PCDHGA9: variants seen among roughly 807,000 people sequenced by gnomAD.
The protein encoded by PCDHGA9 is protocadherin gamma subfamily A, 9, also known as protocadherin gamma-A9.
Under a neutral mutation model 62.5 loss-of-function variants are expected in PCDHGA9, and 37 were observed. The observed-to-expected ratio is 0.59, with a 90% CI of 0.46 to 0.78. The LOEUF is 0.78. Among genes scored for constraint, PCDHGA9 ranks in the 30% least tolerant of loss-of-function variants. PCDHGA9 has a pLI of 0.00. For synonymous variants in PCDHGA9, 459 were observed against 484.6 expected, an observed-to-expected ratio of 0.95 and a Z score of 0.69; for missense variants, 1,138 against 1,166.2, an observed-to-expected ratio of 0.98 and a Z score of 0.35.
chr5:141,484,994 G>A (rs1257915410), intron 1 of PCDHGA9: 4 of 610,330 alleles, frequency 6.6e-6, no homozygotes, highest in Non-Finnish European at 1.2e-5. Context: ...GGTGGTGAAA[G>A]GCAGACAAAT....
At chr5:141,423,050 G>T (rs1434973750) in intron 1 of PCDHGA9, 2 of 1,614,068 alleles carry the variant, frequency 1.2e-6, no homozygotes, top group Admixed American at 1.7e-5. Context: ...CTGTCCTATC[G>T]CCTGCTTAAG....
intron 2 of PCDHGA9, among the ~76,000 whole-genome samples, chr5:141,495,936 T>C (rs1329369782): frequency 6.6e-6 from 1 of 152,206 alleles, no homozygotes; most frequent in Non-Finnish European, 1.5e-5. Flanking sequence ...GTCTCTGGTC[T>C]CTGTGCCTGT....
intron 1 of PCDHGA9, among the ~76,000 whole-genome samples, chr5:141,472,924 T>G (rs1247655318): frequency 2.0e-5 from 3 of 147,960 alleles, no homozygotes; most frequent in African/African-American, 7.5e-5. Flanking sequence ...AGGAGGAGGT[T>G]GTGGTGAGCC....
At position 141,487,780 on chromosome 5, in the gene PCDHGA9, C is replaced by T. The variant is rs1423149; in HGVS notation, c.2425-7027C>T. On this transcript the variant is annotated intron_variant, in intron 1 of 3. Transcript: ENST00000573521. The surrounding 1 kb of genome is among the most constrained non-coding windows in gnomAD (Gnocchi z 5.0). ...TAGACGCTGTGCTTTGTAACTGTTT[C>T]GTGAATTAACCAGAGTTGTCACAGT... 0.06 allele frequency: 91,434 copies of T among 1,526,176 alleles called. 5,728 individuals carry two copies. Among genetic ancestry groups the T allele is most frequent in the African/African-American group, 0.33 (23,789 of 72,466 alleles). The allele number at this position is 1,526,176 out of a possible 1,614,324, so 94.5% of individuals were successfully genotyped here. A position where few individuals can be genotyped will look rare whatever the true frequency, so the allele number is the denominator to read the frequency against.
At chr5:141,505,085 C>A (rs954289918) in intron 2 of PCDHGA9, among the ~76,000 whole-genome samples, 1 of 152,162 alleles carries the variant, frequency 6.6e-6, no homozygotes, top group Non-Finnish European at 1.5e-5. Context: ...TCGCTTGAAC[C>A]CAGGAGGTGG....
At chr5:141,474,758 C>T (rs2099354200) in intron 1 of PCDHGA9, among the ~76,000 whole-genome samples, 1 of 152,210 alleles carries the variant, frequency 6.6e-6, no homozygotes, top group Non-Finnish European at 1.5e-5. Flanking sequence ...GACAAATATA[C>T]AGAAATAGTA....
Position 141,404,594 on chromosome 5 carries a change from T to C in PCDHGA9, c.1642T>C (p.Leu548=), listed in dbSNP as rs778412256. The part of the protein sequence containing the change: ...GSPPLSSNVS[L]RLFVLDQNDN... ...CCCACCACTTAGCAGCAATGTGTCA[T>C]TGAGACTGTTTGTTTTGGACCAGAA... The change falls in exon 1 of 4, where the codon TTG becomes CTG. Residue 548 remains leucine, a synonymous_variant. Transcript: ENST00000573521. The C allele has an allele frequency of 3.7e-6, 6 of 1,614,050 alleles. No homozygotes were observed. The highest frequency in any genetic ancestry group is 1.1e-5 in the South Asian group (1 of 91,082).
intron 1 of PCDHGA9, among the ~76,000 whole-genome samples, chr5:141,443,521 T>A (rs2098392520): frequency 6.6e-6 from 1 of 152,156 alleles, no homozygotes; most frequent in Admixed American, 6.6e-5. Context: ...TCTCTCCTTA[T>A]GACTTATTTA....
At chr5:141,458,130 C>A (rs1441742986) in intron 1 of PCDHGA9, among the ~76,000 whole-genome samples, 2 of 152,248 alleles carry the variant, frequency 1.3e-5, no homozygotes, top group African/African-American at 4.8e-5. Flanking sequence ...AGGAACCAGG[C>A]AGAGAAAAAT....
chr5:141,501,947 T>A (rs2099811963), intron 2 of PCDHGA9, among the ~76,000 whole-genome samples: 1 of 152,152 alleles, frequency 6.6e-6, no homozygotes, highest in Non-Finnish European at 1.5e-5. Context: ...CTGCTCCCTG[T>A]GACAGGTCAT....
chr5:141,418,505 G>A, intron 1 of PCDHGA9: 1 of 1,614,006 alleles, frequency 6.2e-7, no homozygotes, highest in Non-Finnish European at 8.5e-7. Flanking sequence ...GACCGCCTTA[G>A]ATGGTGGGGA....
chr5:141,420,458 C>A, intron 1 of PCDHGA9: 3 of 925,194 alleles, frequency 3.2e-6, no homozygotes, highest in Non-Finnish European at 2.9e-6. Context: ...TCCTACTATT[C>A]AAAGACATTT....
intron 1 of PCDHGA9, among the ~76,000 whole-genome samples, chr5:141,455,045 C>G (rs1008259013): frequency 6.6e-6 from 1 of 151,798 alleles, no homozygotes; most frequent in Non-Finnish European, 1.5e-5. Context: ...ATCTCCTGAC[C>G]TCGTGATCCG....
rs369033480 is a variant in PCDHGA9 at position 141,403,210 on chromosome 5, C to A, written c.258C>A (p.Thr86=). 1.2e-6 allele frequency: 2 copies of A among 1,613,828 alleles called. No individual in the cohort carries two copies. Among genetic ancestry groups the A allele is most frequent in the African/African-American group, 2.7e-5 (2 of 74,926 alleles). ...ACCCGCGCAGCGGCACCTTGGTCAC[C>A]GCGGGTAGGATAGACCGGGAGGAGC... is the stretch of plus-strand genomic sequence containing the variant. ...SLNPRSGTLV[T]AGRIDREELC... Residue 86 remains threonine (T), a synonymous_variant, in exon 1 of 4, where the codon ACC becomes ACA. Transcript: ENST00000573521.
chr5:141,414,644 A>C lies in PCDHGA9; in HGVS notation c.2424+9268A>C, dbSNP rs1310121141. 6.2e-7 allele frequency: 1 copy of C among 1,613,982 alleles called. No individual in the cohort carries two copies. Among genetic ancestry groups the C allele is most frequent in the Non-Finnish European group, 8.5e-7 (1 of 1,179,894 alleles). ...GACCCGGACAGCAAAGAGAATGCCC[A>C]GATTATTTACTCCCTGGCTGAAGAC... On this transcript the variant is annotated intron_variant, in intron 1 of 3. Transcript: ENST00000573521.
intron 1 of PCDHGA9, chr5:141,430,780 C>G: frequency 6.6e-7 from 1 of 1,511,476 alleles, no homozygotes; most frequent in Non-Finnish European, 8.8e-7. Context: ...CGCGACTGCA[C>G]CGGGACTACA....
chr5:141,415,740 G>GTTTTTTTTTTT (rs57426385), intron 1 of PCDHGA9: 102 of 625,036 alleles, frequency 1.6e-4, no homozygotes, highest in Admixed American at 2.1e-4. Context: ...GTTTATTAAG[G>GTTTTTTTTTTT]TTTTTTTTTT....
chr5:141,449,475 C>T (rs1351574160), intron 1 of PCDHGA9, among the ~76,000 whole-genome samples: 8 of 150,696 alleles, frequency 5.3e-5, no homozygotes, highest in African/African-American at 1.9e-4. Flanking sequence ...GGCCTGGTAC[C>T]CCATGCCTAA....
At position 141,431,667 on chromosome 5, in the gene PCDHGA9, C is replaced by T. The variant is rs759257105; in HGVS notation, c.2424+26291C>T. ...GATTGTAATTCAGGGACAATATCAA[C>T]AATAGGGGAGTTGGACCACGAGGAG... On this transcript the variant is annotated intron_variant, in intron 1 of 3. Coordinates refer to ENST00000573521, the MANE Select transcript of PCDHGA9 (RefSeq NM_018921.3). This position sits in a 1 kb window ranked among gnomAD's most constrained non-coding sequence, Gnocchi z 4.8. 1 of 1,614,226 alleles carries T rather than the reference C, an allele frequency of 6.2e-7. No individual in the cohort carries two copies. The highest frequency in any genetic ancestry group is 1.3e-5 in the African/African-American group (1 of 75,072).
Sources: gnomAD v4.1 joint callset for allele counts (sites outside exome capture counted in the v4.1 genomes callset) on GRCh38, gnomAD v4.1.1 for gene constraint, Gnocchi (gnomAD v3.1) non-coding constraint, MANE v1.5 for transcripts, NCBI Gene and HGNC (gene_info 2026-07-23, HGNC 2026-07-21) for gene names.